NSMCE2: variants seen among roughly 807,000 people sequenced by gnomAD.
NSMCE2 encodes the protein E3 SUMO-protein ligase NSE2.
A neutral mutation model predicts 23.8 loss-of-function variants in NSMCE2; 24 were observed. The observed-to-expected ratio is 1.01, with a 90% CI of 0.73 to 1.42. The LOEUF is 1.42. NSMCE2 is among the 40% of genes most tolerant of loss of function. The pLI, the probability that NSMCE2 is intolerant of heterozygous loss-of-function variation, is 0.00. For missense variants in NSMCE2, 284 were observed against 296.5 expected, an observed-to-expected ratio of 0.96 and a Z score of 0.31; for synonymous variants, 92 against 94.1, an observed-to-expected ratio of 0.98 and a Z score of 0.13.
chr8:125,096,420 A>G (rs1428997865), intron 1 of NSMCE2, among the ~76,000 whole-genome samples: 3 of 152,198 alleles, frequency 2.0e-5, no homozygotes, highest in Non-Finnish European at 2.9e-5. Flanking sequence ...TGCATTTACT[A>G]TAAGGATATT....
intron 3 of NSMCE2, among the ~76,000 whole-genome samples, chr8:125,133,376 G>C (rs1236950162): frequency 1.3e-5 from 2 of 152,126 alleles, no homozygotes; most frequent in Non-Finnish European, 2.9e-5. Flanking sequence ...AATAATCCAG[G>C]GGTGTAAAAT....
chr8:125,353,985 G>A (rs1563801998), intron 5 of NSMCE2, among the ~76,000 whole-genome samples: 1 of 150,946 alleles, frequency 6.6e-6, no homozygotes, highest in East Asian at 2.0e-4. Context: ...AGGCTGGAGT[G>A]CAATGGCATG....
At chr8:125,187,146 A>C (rs1823143709) in intron 5 of NSMCE2, among the ~76,000 whole-genome samples, 1 of 152,236 alleles carries the variant, frequency 6.6e-6, no homozygotes, top group Non-Finnish European at 1.5e-5. Flanking sequence ...GTGGCTTAGC[A>C]GACGGAAGAC....
At chr8:125,143,750 T>C (rs1018347756) in intron 3 of NSMCE2, among the ~76,000 whole-genome samples, 1 of 152,192 alleles carries the variant, frequency 6.6e-6, no homozygotes, top group Non-Finnish European at 1.5e-5. Context: ...AACTATACAG[T>C]TGAATCAGAG....
At chr8:125,143,654 A>G (rs977064277) in intron 3 of NSMCE2, among the ~76,000 whole-genome samples, 1 of 152,242 alleles carries the variant, frequency 6.6e-6, no homozygotes. Context: ...ATGCCTGTAC[A>G]TGGCTTTGTA....
intron 5 of NSMCE2, among the ~76,000 whole-genome samples, chr8:125,326,448 T>C (rs1214571941): frequency 6.6e-6 from 1 of 152,054 alleles, no homozygotes; most frequent in African/African-American, 2.4e-5. Context: ...TATTTACATA[T>C]ATGTATATAT....
At chr8:125,176,138 A>G (rs1563698421) in intron 4 of NSMCE2, among the ~76,000 whole-genome samples, 1 of 152,202 alleles carries the variant, frequency 6.6e-6, no homozygotes, top group Non-Finnish European at 1.5e-5. Context: ...AGTCTGTGGA[A>G]TTTCTGGGGA....
intron 5 of NSMCE2, among the ~76,000 whole-genome samples, chr8:125,236,409 G>A (rs1825554193): frequency 6.6e-6 from 1 of 152,038 alleles, no homozygotes; most frequent in African/African-American, 2.4e-5. Flanking sequence ...TGTATTTCAT[G>A]TAAATGAGTA....
At chr8:125,238,277 GTCTC>G (rs1157494743) in intron 5 of NSMCE2, among the ~76,000 whole-genome samples, 6 of 152,116 alleles carry the variant, frequency 3.9e-5, no homozygotes, top group Admixed American at 3.9e-4. Flanking sequence ...ATTTCCATCT[GTCTC>G]TCTTTCCTCA....
At chr8:125,097,816 T>C (rs1185728869) in intron 1 of NSMCE2, among the ~76,000 whole-genome samples, 1 of 152,202 alleles carries the variant, frequency 6.6e-6, no homozygotes, top group Non-Finnish European at 1.5e-5. Context: ...ATTTAAGTCT[T>C]GGTGAAAAGT....
At chr8:125,216,254 T>C (rs556317167) in intron 5 of NSMCE2, among the ~76,000 whole-genome samples, 1 of 152,364 alleles carries the variant, frequency 6.6e-6, no homozygotes, top group Admixed American at 6.5e-5. Context: ...TTGGATATAA[T>C]GCTGCTGTGA....
At chr8:125,236,597 C>G (rs1168038332) in intron 5 of NSMCE2, among the ~76,000 whole-genome samples, 2 of 152,100 alleles carry the variant, frequency 1.3e-5, no homozygotes, top group Non-Finnish European at 2.9e-5. Context: ...CTGAGGCCAT[C>G]TCTGAGAGAC....
At chr8:125,235,579 TA>T (rs59062889) in intron 5 of NSMCE2, among the ~76,000 whole-genome samples, 2,435 of 152,358 alleles carry the variant, frequency 0.016, 58 homozygotes, top group African/African-American at 0.056. Context: ...CATGGAGTTA[TA>T]TTTTATACAC....
At chr8:125,154,224 T>G (rs1171345085) in intron 4 of NSMCE2, among the ~76,000 whole-genome samples, 3 of 152,216 alleles carry the variant, frequency 2.0e-5, no homozygotes, top group African/African-American at 7.2e-5. Flanking sequence ...AAAAACTTTT[T>G]TAATCATTAA....
intron 5 of NSMCE2, among the ~76,000 whole-genome samples, chr8:125,224,953 A>G (rs944286441): frequency 1.3e-5 from 2 of 152,240 alleles, no homozygotes; most frequent in African/African-American, 4.8e-5. Context: ...ATGGGAAGTC[A>G]GTACAGCAAT....
intron 3 of NSMCE2, among the ~76,000 whole-genome samples, chr8:125,138,929 A>G (rs904155039): frequency 1.2e-4 from 19 of 152,292 alleles, no homozygotes; most frequent in African/African-American, 4.1e-4. Context: ...TCTGAGCCTC[A>G]ATTTCCTCAA....
chr8:125,312,075 TAAAAAAAAA>T (rs56906621), intron 5 of NSMCE2, among the ~76,000 whole-genome samples: 1 of 99,420 alleles, frequency 1.0e-5, no homozygotes, highest in Non-Finnish European at 2.0e-5. Context: ...CCATCTCAAT[TAAAAAAAAA>T]AAAAAAAAAG....
intron 5 of NSMCE2, among the ~76,000 whole-genome samples, chr8:125,332,700 C>G (rs929712019): frequency 2.6e-5 from 4 of 152,270 alleles, no homozygotes; most frequent in South Asian, 4.1e-4. Context: ...CAAGCTTGTT[C>G]CATTTTTCTT....
chr8:125,145,936 G>A (rs1434451173), intron 3 of NSMCE2, among the ~76,000 whole-genome samples: 1 of 152,152 alleles, frequency 6.6e-6, no homozygotes, highest in Non-Finnish European at 1.5e-5. Context: ...TGCTCTTACA[G>A]CACTTCAGAT....
Sources: gnomAD v4.1 joint callset for allele counts (sites outside exome capture counted in the v4.1 genomes callset) on GRCh38, gnomAD v4.1.1 for gene constraint, MANE v1.5 for transcripts, NCBI Gene and HGNC (gene_info 2026-07-23, HGNC 2026-07-21) for gene names.